AGMO: variants seen among roughly 807,000 people sequenced by gnomAD.
AGMO encodes the protein alkylglycerol monooxygenase, also known as glyceryl-ether monooxygenase.
AGMO carries 75 observed loss-of-function variants against 60.2 expected under a neutral mutation model. That is an observed-to-expected ratio of 1.25 (90% confidence interval 1.03 to 1.51). The LOEUF is 1.51. Among genes scored for constraint, AGMO ranks in the 40% most tolerant of loss-of-function variants. AGMO has a pLI of 0.00. For synonymous variants in AGMO, 261 were observed against 177.1 expected (o/e 1.47, Z -3.76); for missense variants, 763 against 525.5 (o/e 1.45, Z -4.42).
intron 3 of AGMO, among the ~76,000 whole-genome samples, chr7:15,456,541 C>T (rs149414745): frequency 3.3e-5 from 5 of 152,236 alleles, no homozygotes; most frequent in African/African-American, 1.2e-4. Context: ...CTGCTATCCA[C>T]AAGATCAGGG....
the AGMO span, among the ~76,000 whole-genome samples, chr7:15,132,416 G>T: frequency 5.7e-4 from 86 of 152,094 alleles, no homozygotes; most frequent in African/African-American, 2.0e-3. Context: ...ACTTAGGGTT[G>T]CAAGTTTCCT....
chr7:15,483,728 T>C (rs905393967), intron 3 of AGMO, among the ~76,000 whole-genome samples: 1 of 152,154 alleles, frequency 6.6e-6, no homozygotes, highest in African/African-American at 2.4e-5. Flanking sequence ...ATTGGAAAAC[T>C]TGATTCTGTA....
At chr7:15,250,784 A>G (rs1377167361) in intron 12 of AGMO, among the ~76,000 whole-genome samples, 2 of 152,000 alleles carry the variant, frequency 1.3e-5, no homozygotes. Context: ...TCTCTACTAA[A>G]AATGCAAAAA....
intron 3 of AGMO, among the ~76,000 whole-genome samples, chr7:15,486,815 T>C (rs1410804666): frequency 6.6e-6 from 1 of 152,182 alleles, no homozygotes; most frequent in Admixed American, 6.5e-5. Context: ...TTTTTACTGC[T>C]AAAAAATAGA....
intron 3 of AGMO, among the ~76,000 whole-genome samples, chr7:15,526,513 C>T (rs1784132258): frequency 6.6e-6 from 1 of 152,076 alleles, no homozygotes; most frequent in South Asian, 2.1e-4. Flanking sequence ...TTGAGTTATG[C>T]GTTTGCCTGT....
At chr7:15,317,141 T>C (rs1301158504) in intron 12 of AGMO, among the ~76,000 whole-genome samples, 7 of 152,120 alleles carry the variant, frequency 4.6e-5, no homozygotes, top group Non-Finnish European at 1.0e-4. Flanking sequence ...AACGTTGACT[T>C]TCAACTTCGT....
chr7:15,509,930 G>A (rs374510083), intron 3 of AGMO, among the ~76,000 whole-genome samples: 14 of 152,220 alleles, frequency 9.2e-5, no homozygotes, highest in South Asian at 8.3e-4. Flanking sequence ...GTATTGGGGC[G>A]TGTGGAGAAA....
intron 10 of AGMO, among the ~76,000 whole-genome samples, chr7:15,368,287 A>C (rs1055295482): frequency 3.3e-5 from 5 of 151,808 alleles, no homozygotes; most frequent in Admixed American, 3.3e-4. Flanking sequence ...GACCAAAAAA[A>C]AAAAAAAACC....
At chr7:15,311,973 C>T (rs1780780015) in intron 12 of AGMO, among the ~76,000 whole-genome samples, 1 of 151,590 alleles carries the variant, frequency 6.6e-6, no homozygotes. Flanking sequence ...GATTGTAAAA[C>T]CAAATTAGAT....
In AGMO at chr7:15,366,168, T is replaced by A; in HGVS notation, c.1129A>T (p.Thr377Ser). Residue 377 changes from threonine to serine, a missense_variant, in exon 11 of 13, where the codon ACT becomes TCT. By Grantham distance (58) the Thr-to-Ser change is moderately conservative. Transcript: ENST00000342526. Reference sequence around the variant, plus strand: ...TGATCCAGAAGAAATCCAATGGAAGTCAAGGTCAGGATAATGAAGCAAACC... The same window carrying A: ...TGATCCAGAAGAAATCCAATGGAAGACAAGGTCAGGATAATGAAGCAAACC... Reference protein sequence around the residue: ...LRVCFIILTLTSIGFLLDQRP... With the variant: ...LRVCFIILTLSSIGFLLDQRP... The A allele has an allele frequency of 6.2e-7, 1 of 1,608,724 alleles. No individual in the cohort carries two copies. Among genetic ancestry groups the A allele is most frequent in the South Asian group, 1.1e-5 (1 of 90,198 alleles).
At chr7:15,284,396 C>G (rs1040179222) in intron 12 of AGMO, among the ~76,000 whole-genome samples, 1 of 151,940 alleles carries the variant, frequency 6.6e-6, no homozygotes, top group Non-Finnish European at 1.5e-5. Context: ...GACATTACAA[C>G]TGACACTACA....
intron 12 of AGMO, among the ~76,000 whole-genome samples, chr7:15,224,193 C>G (rs777574999): frequency 3.3e-5 from 5 of 151,754 alleles, no homozygotes; most frequent in African/African-American, 1.2e-4. Context: ...AAAAAAAATA[C>G]GATTCACAGA....
intron 12 of AGMO, among the ~76,000 whole-genome samples, chr7:15,355,442 G>GCC (rs1445920555): frequency 6.3e-4 from 90 of 142,726 alleles, no homozygotes; most frequent in Non-Finnish European, 1.3e-4. Context: ...GGTGGAGCTT[G>GCC]CAGTGAGCCC....
At chr7:15,204,597 G>A (rs148736516) in intron 12 of AGMO, among the ~76,000 whole-genome samples, 151 of 152,272 alleles carry the variant, frequency 9.9e-4, no homozygotes, top group African/African-American at 3.4e-3. Flanking sequence ...TAAAGCAGAG[G>A]AAGTTCATTC....
chr7:15,296,729 C>A (rs1196938846), intron 12 of AGMO, among the ~76,000 whole-genome samples: 1 of 152,048 alleles, frequency 6.6e-6, no homozygotes, highest in Non-Finnish European at 1.5e-5. Flanking sequence ...CCTCTCTACC[C>A]CAAACCACAA....
intron 12 of AGMO, among the ~76,000 whole-genome samples, chr7:15,209,076 A>AT (rs1417904509): frequency 6.6e-6 from 1 of 152,232 alleles, no homozygotes; most frequent in Non-Finnish European, 1.5e-5. Context: ...CCAAAAGGTC[A>AT]TTTTTGTGCT....
chr7:15,194,908 C>A, the AGMO span, among the ~76,000 whole-genome samples: 1 of 152,118 alleles, frequency 6.6e-6, no homozygotes, highest in Non-Finnish European at 1.5e-5. Context: ...ATTTTACCAG[C>A]AAGTTAAAAT....
intron 5 of AGMO, among the ~76,000 whole-genome samples, chr7:15,403,546 C>CTT (rs1784610694): frequency 6.6e-6 from 1 of 151,820 alleles, no homozygotes; most frequent in Non-Finnish European, 1.5e-5. Flanking sequence ...TTTGAATATA[C>CTT]ATAAAAATAT....
intron 12 of AGMO, among the ~76,000 whole-genome samples, chr7:15,345,247 GTTTT>G (rs1385181345): frequency 6.6e-6 from 1 of 152,064 alleles, no homozygotes; most frequent in East Asian, 1.9e-4. Context: ...AATTTTTCTA[GTTTT>G]TTTCTCTTGC....
Sources: allele counts gnomAD v4.1 joint callset (sites outside exome capture counted in the v4.1 genomes callset), GRCh38; gene constraint gnomAD v4.1.1; transcripts MANE v1.5; gene names NCBI Gene and HGNC (gene_info 2026-07-23, HGNC 2026-07-21).